CLDN5: variants seen among roughly 807,000 people sequenced by gnomAD.
CLDN5 encodes claudin 5, also known as claudin-5.
Under a neutral mutation model 1.3 loss-of-function variants are expected in CLDN5, and 4 were observed. That is an observed-to-expected ratio of 3.07 (90% confidence interval 1.51 to 7.03). The LOEUF (loss-of-function observed/expected upper bound fraction) is 7.03, where lower values mean the gene tolerates loss of function less well. CLDN5 is among the 30% of genes most tolerant of loss of function. CLDN5 has a pLI of 0.00. For missense variants in CLDN5, 225 were observed against 303.5 expected, an observed-to-expected ratio of 0.74 and a Z score of 1.92; for synonymous variants, 156 against 152.3, an observed-to-expected ratio of 1.02 and a Z score of -0.18.
At chr22:19,524,895 C>T, upstream of CLDN5, 1 of 1,068,034 alleles carries the variant, frequency 9.4e-7, no homozygotes, top group Non-Finnish European at 1.1e-6. Flanking sequence ...AAGCCCGCCC[C>T]GGGGTCCAAG....
At chr22:19,524,630 C>G (rs1194399108), upstream of CLDN5, 5 of 1,351,746 alleles carry the variant, frequency 3.7e-6, no homozygotes, top group East Asian at 1.2e-4. Context: ...CCCCACCCGC[C>G]GTTGTCCTAG....
rs1220200434 is a variant in CLDN5 at position 19,524,209 on chromosome 22, A to C, written c.47T>G (p.Val16Gly). 2.5e-6 allele frequency: 4 copies of C among 1,601,988 alleles called. No homozygotes were observed. The highest frequency in any genetic ancestry group is 3.4e-6 in the Non-Finnish European group (4 of 1,174,800). ...LEILGLVLCLVGWGGLILACG... is the reference protein window; with the variant it reads ...LEILGLVLCLGGWGGLILACG... ...CGCCAGGATCAGACCCCCCCAGCCCACCAGGCACAGCACCAGGCCCAGGAT... is the reference window on the plus strand; with the variant it reads ...CGCCAGGATCAGACCCCCCCAGCCCCCCAGGCACAGCACCAGGCCCAGGAT... The change falls in exon 1 of 1, where the codon GTG becomes GGG. Residue 16 changes from valine (V) to glycine (G), a missense_variant. By Grantham distance (109) the Val-to-Gly change is moderately radical (BLOSUM62 -3). Transcript: ENST00000618236.
At chr22:19,524,593 C>G (rs1398061693), upstream of CLDN5, 11 of 1,335,056 alleles carry the variant, frequency 8.2e-6, no homozygotes, top group East Asian at 3.1e-5. Context: ...GGCGCGGGAC[C>G]GCTCCCCGCC....
Position 19,523,497 on chromosome 22 carries a change from C to G in CLDN5, c.*102G>C. 2.8e-6 allele frequency: 4 copies of G among 1,438,366 alleles called. No homozygotes were observed. Among genetic ancestry groups the G allele is most frequent in the African/African-American group, 1.5e-5 (1 of 68,074 alleles). 89.1% of individuals were successfully genotyped at this position (1,438,366 alleles called of 1,614,324 possible). On this transcript the variant is annotated 3_prime_UTR_variant, in exon 1 of 1. Transcript: ENST00000618236. ...CGGACGTTCCGAGGAGCCTGCGCGCCGCGCTACCCGGCGGAAGCCGCGGTC... is the reference window on the plus strand; with the variant it reads ...CGGACGTTCCGAGGAGCCTGCGCGCGGCGCTACCCGGCGGAAGCCGCGGTC...
rs762879564 is a variant in CLDN5, at chr22:19,523,635, C to T, written c.621G>A (p.Thr207=). ...PVKYSAPRRP[T]ATGDYDKKNY... is the part of the protein sequence containing the mutation. ...TCTTCTTGTCGTAGTCGCCGGTGGC[C>T]GTGGGCCGCCGCGGCGCTGAGTACT... is the stretch of plus-strand genomic sequence containing the variant. Residue 207 remains threonine, a synonymous_variant, in exon 1 of 1, where the codon ACG becomes ACA. Coordinates refer to ENST00000618236, the MANE Select transcript of CLDN5 (RefSeq NM_001363066.2). The T allele has an allele frequency of 6.9e-6, 11 of 1,600,262 alleles. No homozygotes were observed. Among genetic ancestry groups the T allele is most frequent in the Non-Finnish European group, 9.4e-6 (11 of 1,175,834 alleles).
Sources: allele counts gnomAD v4.1 joint callset, GRCh38; gene constraint gnomAD v4.1.1; transcripts MANE v1.5; gene names NCBI Gene and HGNC (gene_info 2026-07-23, HGNC 2026-07-21).